The following PPP1R42 variants were observed in gnomAD, a reference collection of about 807,000 sequenced individuals.
PPP1R42 encodes protein phosphatase 1 regulatory subunit 42.
A neutral mutation model predicts 31.0 loss-of-function variants in PPP1R42; 34 were observed. The ratio of observed to expected loss-of-function variants is 1.10; its 90% CI spans 0.83 to 1.46. The LOEUF is 1.46. Ranked by LOEUF, PPP1R42 falls within the 40% of genes most tolerant of loss-of-function variation. The pLI, the probability that PPP1R42 is intolerant of heterozygous loss-of-function variation, is 0.00. For missense variants in PPP1R42, 268 were observed against 303.0 expected (o/e 0.88, Z 0.86); for synonymous variants, 103 against 109.8 (o/e 0.94, Z 0.39).
At chr8:66,977,418 G>A (rs1227536066) in intron 7 of PPP1R42, among the ~76,000 whole-genome samples, 1 of 151,246 alleles carries the variant, frequency 6.6e-6, no homozygotes, top group Non-Finnish European at 1.5e-5. Flanking sequence ...GCTCACTGCA[G>A]CTTCAAGCTC....
At chr8:66,998,037 T>C (rs1031591494) in intron 5 of PPP1R42, among the ~76,000 whole-genome samples, 2 of 152,134 alleles carry the variant, frequency 1.3e-5, no homozygotes, top group Non-Finnish European at 2.9e-5. Flanking sequence ...GCAGGCAGTA[T>C]ATGAGAAATC....
At chr8:66,973,395 C>A (rs1814589322) in intron 7 of PPP1R42, among the ~76,000 whole-genome samples, 2 of 151,996 alleles carry the variant, frequency 1.3e-5, no homozygotes, top group Admixed American at 6.6e-5. Flanking sequence ...CCTCTGCCTC[C>A]CAGGTTCAAG....
At chr8:66,981,952 C>G in intron 7 of PPP1R42, 97 bp downstream of exon 7, 1 of 1,209,568 alleles carries the variant, frequency 8.3e-7, no homozygotes, top group Non-Finnish European at 1.0e-6. Context: ...CAACAAAAAA[C>G]TAAACAAAAA....
At chr8:67,016,456 A>G (rs926857874) in intron 2 of PPP1R42, among the ~76,000 whole-genome samples, 1 of 152,186 alleles carries the variant, frequency 6.6e-6, no homozygotes, top group African/African-American at 2.4e-5. Context: ...AGTTTCCCAA[A>G]TTACAGCCAA....
At chr8:66,990,250 T>C (rs545734394) in intron 5 of PPP1R42, among the ~76,000 whole-genome samples, 2 of 152,330 alleles carry the variant, frequency 1.3e-5, no homozygotes, top group South Asian at 4.1e-4. Context: ...GTGTTGAATG[T>C]GATGCCCATC....
intron 5 of PPP1R42, among the ~76,000 whole-genome samples, chr8:67,008,007 C>T (rs1815737332): frequency 6.6e-6 from 1 of 151,670 alleles, no homozygotes; most frequent in Admixed American, 6.6e-5. Context: ...CTGCCCCAGC[C>T]TCCCAAGTAT....
intron 5 of PPP1R42, among the ~76,000 whole-genome samples, chr8:67,006,989 C>T (rs1295661732): frequency 2.0e-5 from 3 of 148,948 alleles, no homozygotes; most frequent in Non-Finnish European, 3.0e-5. Context: ...GTGATCCACC[C>T]GCCTCGGCCT....
intron 7 of PPP1R42, among the ~76,000 whole-genome samples, chr8:66,980,594 C>G (rs1260009713): frequency 3.3e-5 from 5 of 152,124 alleles, no homozygotes; most frequent in Non-Finnish European, 2.9e-5. Flanking sequence ...TCCACCCGTG[C>G]TCCTCCTCAT....
intron 3 of PPP1R42, among the ~76,000 whole-genome samples, chr8:67,014,158 C>T (rs1472467075): frequency 6.6e-6 from 1 of 151,984 alleles, no homozygotes; most frequent in Non-Finnish European, 1.5e-5. Flanking sequence ...GTATATCAGG[C>T]TTAATAAAAC....
chr8:67,019,237 C>CTTTTTTTTT (rs1186280936), intron 1 of PPP1R42, among the ~76,000 whole-genome samples: 1 of 91,670 alleles, frequency 1.1e-5, no homozygotes, highest in African/African-American at 5.0e-5. Flanking sequence ...TTATGAGCAT[C>CTTTTTTTTT]TTTTTTTTTT....
At chr8:67,015,252 C>T (rs1166800900) in intron 2 of PPP1R42, among the ~76,000 whole-genome samples, 1 of 151,808 alleles carries the variant, frequency 6.6e-6, no homozygotes, top group African/African-American at 2.4e-5. Context: ...CTCCTGACCT[C>T]GTGATCCACC....
At chr8:67,018,120 C>G (rs1414394755) in intron 1 of PPP1R42, among the ~76,000 whole-genome samples, 1 of 144,078 alleles carries the variant, frequency 6.9e-6, no homozygotes, top group South Asian at 2.2e-4. Context: ...TTTTTCTTTT[C>G]TTTTTTTTTT....
chr8:66,984,810 T>C (rs1437387004), intron 6 of PPP1R42: 1 of 1,606,140 alleles, frequency 6.2e-7, no homozygotes, highest in Non-Finnish European at 8.5e-7. Context: ...CTTTGGGTTC[T>C]GGAGGAGGCA....
intron 7 of PPP1R42, among the ~76,000 whole-genome samples, chr8:66,981,159 G>C (rs918134220): frequency 6.6e-6 from 1 of 151,744 alleles, no homozygotes; most frequent in Admixed American, 6.6e-5. Flanking sequence ...TCAGTTCTTG[G>C]ATGCTCCAAA....
At chr8:66,991,667 T>C (rs1380756133) in intron 5 of PPP1R42, among the ~76,000 whole-genome samples, 1 of 152,184 alleles carries the variant, frequency 6.6e-6, no homozygotes, top group Admixed American at 6.5e-5. Context: ...TCACACCTCT[T>C]TCCCCAGGTT....
At chr8:66,979,776 G>T (rs1814776609) in intron 7 of PPP1R42, among the ~76,000 whole-genome samples, 1 of 151,964 alleles carries the variant, frequency 6.6e-6, no homozygotes, top group South Asian at 2.1e-4. Flanking sequence ...TATAGGGATT[G>T]CATTGTATAG....
At chr8:66,979,759 G>A (rs577698829) in intron 7 of PPP1R42, among the ~76,000 whole-genome samples, 2 of 151,956 alleles carry the variant, frequency 1.3e-5, no homozygotes, top group Non-Finnish European at 2.9e-5. Flanking sequence ...AATGTCATTG[G>A]TATTTTTATA....
At chr8:66,970,912 T>C (rs1814521799) in intron 7 of PPP1R42, 1 of 1,155,646 alleles carries the variant, frequency 8.7e-7, no homozygotes, top group Non-Finnish European at 1.2e-6. Flanking sequence ...CTGTTCCTCT[T>C]TGTTTACTGT....
chr8:66,984,549 C>A, intron 6 of PPP1R42: 1 of 1,233,110 alleles, frequency 8.1e-7, no homozygotes, highest in Non-Finnish European at 1.2e-6. Context: ...AACTCCATCT[C>A]AATCTTGAAC....
Sources: gnomAD v4.1 joint callset for allele counts (sites outside exome capture counted in the v4.1 genomes callset) on GRCh38, gnomAD v4.1.1 for gene constraint, MANE v1.5 for transcripts, NCBI Gene and HGNC (gene_info 2026-07-23, HGNC 2026-07-21) for gene names.